The following ATP6V0A4 variants were observed in gnomAD, a reference collection of about 807,000 sequenced individuals.
The protein encoded by ATP6V0A4 is V-type proton ATPase 116 kDa subunit a 4.
Under a neutral mutation model 107.3 loss-of-function variants are expected in ATP6V0A4, and 86 were observed. That is an observed-to-expected ratio of 0.80 (90% CI 0.67 to 0.96). ATP6V0A4 has a LOEUF of 0.96. Ranked by LOEUF, ATP6V0A4 falls within the 40% of genes least tolerant of loss-of-function variation. The probability of loss-of-function intolerance (pLI) is 0.00; values close to 1 mark genes in which losing one functional copy is unlikely to be tolerated. For missense variants in ATP6V0A4, 908 were observed against 1,045.6 expected (o/e 0.87, Z 1.81); for synonymous variants, 353 against 381.4 (o/e 0.93, Z 0.87).
chr7:138,711,409 C>G (rs896156387), intron 20 of ATP6V0A4, among the ~76,000 whole-genome samples: 7 of 152,172 alleles, frequency 4.6e-5, no homozygotes, highest in Non-Finnish European at 8.8e-5. Flanking sequence ...AGTTATCATG[C>G]CCAACAGCCT....
chr7:138,709,833 A>T (rs893718388), intron 20 of ATP6V0A4, 38 bp from the exon 21 acceptor site: 58 of 1,607,550 alleles, frequency 3.6e-5, no homozygotes, highest in Non-Finnish European at 4.3e-5. Context: ...TATCTTGTAA[A>T]TGCAGATTGT....
rs2117332705 is a variant in ATP6V0A4 at position 138,769,158 on chromosome 7, A to C, written c.196+15T>G. 1 of 1,608,438 alleles carries C rather than the reference A, an allele frequency of 6.2e-7. No homozygotes were observed. The highest frequency in any genetic ancestry group is 2.2e-5 in the East Asian group (1 of 44,880). On this transcript the variant is annotated intron_variant, in intron 4 of 21. Transcript: ENST00000310018. ...CATTTGAACAGTAAGAAAAAAAAAAAAAAAATTGGCTTACGGAGGATTCTC... is the reference window on the plus strand; with the variant it reads ...CATTTGAACAGTAAGAAAAAAAAAACAAAAATTGGCTTACGGAGGATTCTC...
intron 2 of ATP6V0A4, among the ~76,000 whole-genome samples, chr7:138,781,504 G>A (rs1807918939): frequency 6.6e-6 from 1 of 151,956 alleles, no homozygotes; most frequent in Non-Finnish European, 1.5e-5. Flanking sequence ...TAATTATTTT[G>A]TACTTTTAGT....
intron 18 of ATP6V0A4, among the ~76,000 whole-genome samples, chr7:138,725,982 T>TTTAG (rs1554391704): frequency 2.4e-5 from 1 of 40,928 alleles, no homozygotes; most frequent in East Asian, 8.3e-4. Flanking sequence ...TGAAATGAAG[T>TTTAG]TTATTTATTT....
intron 10 of ATP6V0A4, among the ~76,000 whole-genome samples, chr7:138,754,373 G>A (rs985705246): frequency 2.0e-5 from 3 of 151,202 alleles, no homozygotes; most frequent in Admixed American, 6.6e-5. Context: ...ACTTGAACCC[G>A]GGAGGCGGAG....
chr7:138,764,242 A>T (rs964639706), intron 5 of ATP6V0A4, among the ~76,000 whole-genome samples: 4 of 151,740 alleles, frequency 2.6e-5, no homozygotes, highest in Non-Finnish European at 5.9e-5. Flanking sequence ...GAGATGGAGG[A>T]GGGGTGAGGA....
At position 138,722,150 on chromosome 7, in the gene ATP6V0A4, C is replaced by T. The variant is rs367871188; in HGVS notation, c.2011-125G>A. On this transcript the variant is annotated intron_variant, in intron 18 of 21. Transcript: ENST00000310018. ...ACCAGACACTGTTCTAAACACTACACTATCTCATTAAGCCCTCACAACAAC... is the reference window on the plus strand; with the variant it reads ...ACCAGACACTGTTCTAAACACTACATTATCTCATTAAGCCCTCACAACAAC... The T allele has an allele frequency of 4.6e-5, 68 of 1,478,016 alleles. 1 individual carries two copies. Among genetic ancestry groups the T allele is most frequent in the East Asian group, 4.0e-4 (16 of 40,396 alleles). The allele number at this position is 1,478,016 out of a possible 1,614,324, so 91.6% of individuals were successfully genotyped here.
intron 5 of ATP6V0A4, among the ~76,000 whole-genome samples, chr7:138,764,276 C>T (rs1033045108): frequency 2.0e-5 from 3 of 151,780 alleles, no homozygotes; most frequent in Non-Finnish European, 4.4e-5. Context: ...TTTTTGAATG[C>T]CCCTGTGGGT....
intron 5 of ATP6V0A4, among the ~76,000 whole-genome samples, chr7:138,766,890 C>A (rs1012638294): frequency 1.3e-4 from 20 of 152,172 alleles, no homozygotes; most frequent in African/African-American, 4.8e-4. Context: ...AGAAGAATAT[C>A]CATAATTATT....
chr7:138,796,811 G>A (rs757449069), intron 1 of ATP6V0A4, among the ~76,000 whole-genome samples: 2 of 146,530 alleles, frequency 1.4e-5, no homozygotes, highest in African/African-American at 2.5e-5. Flanking sequence ...CTCTCAAGGG[G>A]AAGAGGCGTG....
intron 1 of ATP6V0A4, among the ~76,000 whole-genome samples, chr7:138,794,457 CT>C (rs896485265): frequency 8.5e-5 from 13 of 152,276 alleles, no homozygotes; most frequent in African/African-American, 3.1e-4. Flanking sequence ...TCTTTTAGCC[CT>C]GGAAACTCTC....
At position 138,732,988 on chromosome 7, in the gene ATP6V0A4, G is replaced by T; in HGVS notation, c.1797C>A (p.Cys599Ter). ...GCTGAGATACATGGACGTCAAAGCA[G>T]CACCATTTGAAAATGATCATGAAAA... ...YLVFMIIFKWCCFDVHVSQHA... is the reference protein window; with the variant it reads ...YLVFMIIFKW Residue 599 changes from cysteine to a stop codon, truncating the protein, a stop_gained, in exon 17 of 22, where the codon TGC becomes TGA. Coordinates refer to ENST00000310018, the MANE Select transcript of ATP6V0A4 (RefSeq NM_020632.3). LOFTEE classifies it high-confidence loss of function. 4 of 1,613,946 alleles carry T rather than the reference G, an allele frequency of 2.5e-6. No homozygotes were observed. Among genetic ancestry groups the T allele is most frequent in the Non-Finnish European group, 3.4e-6 (4 of 1,179,896 alleles).
chr7:138,728,542 A>C (rs2117227963), intron 18 of ATP6V0A4, among the ~76,000 whole-genome samples: 1 of 152,218 alleles, frequency 6.6e-6, no homozygotes. Flanking sequence ...ATAAGGCTTA[A>C]ACGTGTTTGC....
chr7:138,782,906 C>T (rs1011625942), intron 2 of ATP6V0A4, among the ~76,000 whole-genome samples: 1 of 152,292 alleles, frequency 6.6e-6, no homozygotes, highest in East Asian at 1.9e-4. Flanking sequence ...GAAACCCCTT[C>T]TCTACTAAAA....
chr7:138,747,269 T>A (rs1178970728), intron 13 of ATP6V0A4, among the ~76,000 whole-genome samples, 156 bp downstream of exon 13: 1 of 152,172 alleles, frequency 6.6e-6, no homozygotes, highest in Admixed American at 6.6e-5. Context: ...CCAAAGGAAT[T>A]ACCTTTGGCC....
intron 5 of ATP6V0A4, among the ~76,000 whole-genome samples, chr7:138,767,236 A>C (rs553205519): frequency 6.6e-6 from 1 of 152,286 alleles, no homozygotes. Flanking sequence ...AAAAATCAAT[A>C]AACAGGCCAG....
chr7:138,751,711 G>C (rs759778549), intron 11 of ATP6V0A4, among the ~76,000 whole-genome samples: 1 of 151,996 alleles, frequency 6.6e-6, no homozygotes, highest in African/African-American at 2.4e-5. Flanking sequence ...AGAACTCAAC[G>C]AGGACAGAGT....
chr7:138,747,611 G>A (rs779161797), intron 12 of ATP6V0A4, 47 bp from the exon 13 acceptor site: 23 of 1,605,884 alleles, frequency 1.4e-5, no homozygotes, highest in African/African-American at 2.7e-5. Flanking sequence ...CACAGCCTCG[G>A]GGCCCCCACC....
chr7:138,734,777 CAAA>C (rs528307650), intron 15 of ATP6V0A4, among the ~76,000 whole-genome samples: 3,443 of 108,898 alleles, frequency 0.032, 144 homozygotes, highest in African/African-American at 0.11. Context: ...GACTCTGTCT[CAAA>C]AAAAAAAAAA....
Sources: allele counts gnomAD v4.1 joint callset (sites outside exome capture counted in the v4.1 genomes callset), GRCh38; gene constraint gnomAD v4.1.1; transcripts MANE v1.5; gene names NCBI Gene and HGNC (gene_info 2026-07-23, HGNC 2026-07-21).